The following NTN4 variants were observed in gnomAD, a reference collection of about 807,000 sequenced individuals.
NTN4 encodes netrin-4.
NTN4 carries 32 observed loss-of-function variants against 73.6 expected under a neutral mutation model. That is an observed-to-expected ratio of 0.44 (90% CI 0.33 to 0.58). The LOEUF (loss-of-function observed/expected upper bound fraction) is 0.58, where lower values mean the gene tolerates loss of function less well. Ranked by LOEUF, NTN4 falls within the 20% of genes least tolerant of loss-of-function variation. The probability of loss-of-function intolerance (pLI) is 0.04; values close to 1 mark genes in which losing one functional copy is unlikely to be tolerated. For synonymous variants in NTN4, 258 were observed against 287.5 expected (o/e 0.90, Z 1.04); for missense variants, 654 against 798.3 (o/e 0.82, Z 2.18).
chr12:95,749,226 CA>C (rs1017902057), intron 2 of NTN4, among the ~76,000 whole-genome samples: 1 of 152,208 alleles, frequency 6.6e-6, no homozygotes, highest in African/African-American at 2.4e-5. Flanking sequence ...GTGAAATAAA[CA>C]GCCATGTTGC....
In NTN4 at chr12:95,710,437, T is replaced by C. The variant is rs771227491; in HGVS notation, c.1180+4A>G. The C allele has an allele frequency of 1.2e-6, 2 of 1,610,048 alleles. No homozygotes were observed. Among genetic ancestry groups the C allele is most frequent in the Admixed American group, 1.7e-5 (1 of 59,648 alleles). On this transcript the variant is annotated splice_donor_region_variant and intron_variant, in intron 5 of 9. Transcript: ENST00000343702. ...CTATTTTCTGGAAACCACAGGTTAC[T>C]TACGTTTGCAAGCATCTGGAGCTGA...
At chr12:95,759,224 G>T (rs752321715) in intron 2 of NTN4, among the ~76,000 whole-genome samples, 1 of 152,070 alleles carries the variant, frequency 6.6e-6, no homozygotes, top group Non-Finnish European at 1.5e-5. Context: ...TCTTAGATCT[G>T]TGGATTTATA....
At chr12:95,676,309 G>A (rs2078272969) in intron 7 of NTN4, among the ~76,000 whole-genome samples, 1 of 151,958 alleles carries the variant, frequency 6.6e-6, no homozygotes, top group East Asian at 1.9e-4. Context: ...GTTTTGTCAT[G>A]TTGGCCAGGC....
At chr12:95,673,107 C>T (rs1302974786) in intron 7 of NTN4, 1 of 1,130,300 alleles carries the variant, frequency 8.8e-7, no homozygotes, top group East Asian at 2.7e-5. Flanking sequence ...GAGCACCCTC[C>T]TTGCCTGGTG....
chr12:95,679,596 T>A (rs1303824724), intron 7 of NTN4, among the ~76,000 whole-genome samples: 1 of 152,184 alleles, frequency 6.6e-6, no homozygotes, highest in African/African-American at 2.4e-5. Context: ...CAGTTTAAAT[T>A]CTATGAACAA....
At chr12:95,757,773 T>TA (rs10713128) in intron 2 of NTN4, among the ~76,000 whole-genome samples, 2,421 of 145,346 alleles carry the variant, frequency 0.017, 35 homozygotes, top group African/African-American at 0.035. Flanking sequence ...GAATGCAAAG[T>TA]AAAAAAAAAA....
At position 95,789,177 on chromosome 12, in the gene NTN4, T is replaced by C. The variant is rs897709289; in HGVS notation, c.55+1078A>G. On this transcript the variant is annotated intron_variant, in intron 1 of 9. Coordinates refer to ENST00000343702, the MANE Select transcript of NTN4 (RefSeq NM_021229.4). The surrounding 1 kb of genome is among the most constrained non-coding windows in gnomAD (Gnocchi z 4.0). Reference sequence around the variant, plus strand: ...CACTCAAGGGACTATTCAATGATACTAAGGATGCTCCTGTGACTTGGACTG... The same window carrying C: ...CACTCAAGGGACTATTCAATGATACCAAGGATGCTCCTGTGACTTGGACTG... 6.6e-6 allele frequency among the ~76,000 whole-genome samples: 1 copy of C among 152,194 alleles called. No homozygotes were observed. Among genetic ancestry groups the C allele is most frequent in the Non-Finnish European group, 1.5e-5 (1 of 68,026 alleles).
At chr12:95,694,983 C>T (rs1248109855) in intron 5 of NTN4, among the ~76,000 whole-genome samples, 2 of 152,042 alleles carry the variant, frequency 1.3e-5, no homozygotes, top group Non-Finnish European at 2.9e-5. Context: ...CAAAAATCAG[C>T]TGGGTGTGGC....
At chr12:95,765,827 CA>C (rs1437849539) in intron 2 of NTN4, among the ~76,000 whole-genome samples, 1 of 152,160 alleles carries the variant, frequency 6.6e-6, no homozygotes, top group African/African-American at 2.4e-5. Flanking sequence ...ATCCAACTTA[CA>C]AAGGAAGAAT....
intron 4 of NTN4, among the ~76,000 whole-genome samples, chr12:95,712,086 C>T (rs1245838494): frequency 1.3e-5 from 2 of 152,112 alleles, no homozygotes; most frequent in African/African-American, 2.4e-5. Flanking sequence ...ACAGTTTTAC[C>T]CACAGAACCT....
intron 7 of NTN4, chr12:95,671,214 G>C (rs185312640): frequency 4.6e-4 from 70 of 152,374 alleles, no homozygotes; most frequent in African/African-American, 1.6e-3. Flanking sequence ...GGTCAAGCTG[G>C]TCTTGAACTC....
At chr12:95,772,555 T>C (rs2079064994) in intron 2 of NTN4, among the ~76,000 whole-genome samples, 1 of 152,190 alleles carries the variant, frequency 6.6e-6, no homozygotes, top group East Asian at 1.9e-4. Context: ...GTATCTCCAT[T>C]TGTATGTCTA....
At chr12:95,675,782 A>C (rs567311976) in intron 7 of NTN4, among the ~76,000 whole-genome samples, 2 of 152,342 alleles carry the variant, frequency 1.3e-5, no homozygotes, top group East Asian at 3.9e-4. Flanking sequence ...GTTCAGATAC[A>C]AAGGAGTTAA....
intron 3 of NTN4, among the ~76,000 whole-genome samples, chr12:95,728,273 C>G (rs1413249133): frequency 1.3e-5 from 2 of 152,116 alleles, no homozygotes; most frequent in Non-Finnish European, 2.9e-5. Context: ...TCTGAATGCT[C>G]TTTACTTATT....
chr12:95,756,096 C>T (rs969781681), intron 2 of NTN4, among the ~76,000 whole-genome samples: 3 of 152,170 alleles, frequency 2.0e-5, no homozygotes, highest in Admixed American at 6.5e-5. Context: ...AGAGTTAAGA[C>T]TGGAATCAAA....
intron 7 of NTN4, among the ~76,000 whole-genome samples, chr12:95,671,385 C>CA (rs1200509877): frequency 6.6e-6 from 1 of 152,138 alleles, no homozygotes; most frequent in East Asian, 1.9e-4. Context: ...CCGGGTCACA[C>CA]AGCAGGAGGT....
intron 2 of NTN4, among the ~76,000 whole-genome samples, chr12:95,780,505 C>G (rs948705046): frequency 6.6e-6 from 1 of 152,220 alleles, no homozygotes; most frequent in Non-Finnish European, 1.5e-5. Context: ...TGAACAGACA[C>G]TTCTCAAAAG....
At chr12:95,686,647 A>G (rs1377196563) in intron 5 of NTN4, among the ~76,000 whole-genome samples, 1 of 151,794 alleles carries the variant, frequency 6.6e-6, no homozygotes, top group African/African-American at 2.4e-5. Flanking sequence ...AGTCCCAGCT[A>G]CTCGGGAGAC....
intron 7 of NTN4, chr12:95,672,742 G>A: frequency 1.4e-6 from 2 of 1,386,036 alleles, no homozygotes; most frequent in Admixed American, 1.7e-5. Context: ...AGACCTCACA[G>A]ATGATCAGCT....
Sources: allele counts gnomAD v4.1 joint callset (sites outside exome capture counted in the v4.1 genomes callset), GRCh38; gene constraint gnomAD v4.1.1; non-coding constraint Gnocchi (gnomAD v3.1); transcripts MANE v1.5; gene names NCBI Gene and HGNC (gene_info 2026-07-23, HGNC 2026-07-21).